The following SYT1 variants were observed in gnomAD, a reference collection of about 807,000 sequenced individuals.
The protein encoded by SYT1 is synaptotagmin-1.
A neutral mutation model predicts 44.8 loss-of-function variants in SYT1; 8 were observed. The observed-to-expected ratio is 0.18, with a 90% CI of 0.10 to 0.32. SYT1 has a LOEUF of 0.32. Ranked by LOEUF, SYT1 falls within the 10% of genes least tolerant of loss-of-function variation. SYT1 has a pLI of 1.00. For synonymous variants in SYT1, 154 were observed against 188.8 expected, an observed-to-expected ratio of 0.82 and a Z score of 1.51; for missense variants, 286 against 509.3, an observed-to-expected ratio of 0.56 and a Z score of 4.22.
At position 79,334,073 on chromosome 12, in the gene SYT1, C is replaced by CA. The variant is rs542376571; in HGVS notation, c.811-19421dup. Among the ~76,000 whole-genome samples the CA allele has an allele frequency of 8.8e-4, 133 of 151,920 alleles. 3 individuals carry two copies. In the South Asian group the frequency reaches 0.026, roughly 29 times the overall value. ...GAAACCCAAATGTATCTTAACTCTT[C>CA]AAAAAAAAGTTACTGAGTATACGCT... On this transcript the variant is annotated intron_variant, in intron 8 of 10. Coordinates refer to ENST00000261205, the MANE Select transcript of SYT1 (RefSeq NM_005639.3).
chr12:79,330,084 A>G (rs1184687363), intron 8 of SYT1, among the ~76,000 whole-genome samples: 1 of 152,140 alleles, frequency 6.6e-6, no homozygotes, highest in African/African-American at 2.4e-5. Context: ...TGTTTAACTC[A>G]GGCAACCTCA....
intron 1 of SYT1, among the ~76,000 whole-genome samples, chr12:78,964,496 A>G (rs1879669775): frequency 6.6e-6 from 1 of 152,198 alleles, no homozygotes. Context: ...ACGATTTGAG[A>G]TAAGGCCCAA....
chr12:79,083,908 T>C (rs1035581873), intron 3 of SYT1, among the ~76,000 whole-genome samples: 1 of 152,138 alleles, frequency 6.6e-6, no homozygotes, highest in African/African-American at 2.4e-5. Flanking sequence ...AATATTATTT[T>C]TGTATTTCAT....
chr12:79,005,034 A>C (rs1318547910), intron 2 of SYT1, among the ~76,000 whole-genome samples: 1 of 152,018 alleles, frequency 6.6e-6, no homozygotes, highest in Non-Finnish European at 1.5e-5. Context: ...CATCTTATAA[A>C]AAGATGCTTA....
intron 4 of SYT1, among the ~76,000 whole-genome samples, chr12:79,276,685 AC>A (rs535604951): frequency 1.3e-5 from 2 of 151,450 alleles, no homozygotes; most frequent in South Asian, 2.1e-4. Flanking sequence ...AAAAAAAAAA[AC>A]AAAAAAACCA....
At chr12:79,401,669 C>CT (rs199548732) in intron 9 of SYT1, among the ~76,000 whole-genome samples, 426 of 138,902 alleles carry the variant, frequency 3.1e-3, no homozygotes, top group Middle Eastern at 7.7e-3. Flanking sequence ...AAAACTCAAA[C>CT]TTTTTTTTTT....
chr12:79,245,502 G>GAAAA (rs902958544), intron 4 of SYT1, among the ~76,000 whole-genome samples: 2 of 130,206 alleles, frequency 1.5e-5, no homozygotes, highest in African/African-American at 5.7e-5. Context: ...AAAGAAAAAA[G>GAAAA]AAAAAAAAAA....
chr12:78,963,427 G>T lies in SYT1; in HGVS notation c.-216-14372G>T, dbSNP rs187753668. Among the ~76,000 whole-genome samples, 3 of 152,006 alleles carry T rather than the reference G, an allele frequency of 2.0e-5. No individual in the cohort carries two copies. In the East Asian group the frequency reaches 5.8e-4, roughly 29 times the overall value. On this transcript the variant is annotated intron_variant, in intron 1 of 10. Transcript: ENST00000261205. ...GTTTGCAAACCATAGATAATGATGG[G>T]TAAATTTTTAATGTAGGAACTCCTA...
intron 9 of SYT1, among the ~76,000 whole-genome samples, chr12:79,377,538 AT>A (rs1884050365): frequency 5.9e-5 from 9 of 152,336 alleles, no homozygotes; most frequent in Non-Finnish European, 1.2e-4. Flanking sequence ...TCTCAGGGCT[AT>A]TTAAATTATA....
At chr12:79,373,891 G>A (rs1215762297) in intron 9 of SYT1, among the ~76,000 whole-genome samples, 1 of 152,136 alleles carries the variant, frequency 6.6e-6, no homozygotes, top group East Asian at 1.9e-4. Flanking sequence ...GCATTATCAA[G>A]TTTTCTTCAA....
intron 8 of SYT1, among the ~76,000 whole-genome samples, chr12:79,306,085 A>G (rs1358117207): frequency 6.6e-6 from 1 of 152,220 alleles, no homozygotes; most frequent in East Asian, 1.9e-4. Context: ...CCATATTGCC[A>G]CTAAGAGAGT....
chr12:78,923,719 GTATA>G, intron 1 of SYT1, among the ~76,000 whole-genome samples: 1 of 150,648 alleles, frequency 6.6e-6, no homozygotes, highest in East Asian at 2.0e-4. Context: ...CTGTGTGTGT[GTATA>G]TGTGTGTGTG....
At chr12:79,169,858 G>C (rs1371152556) in intron 3 of SYT1, among the ~76,000 whole-genome samples, 1 of 151,740 alleles carries the variant, frequency 6.6e-6, no homozygotes, top group Non-Finnish European at 1.5e-5. Flanking sequence ...CACCTACCTG[G>C]CTCCAAAAGG....
At chr12:79,403,909 T>C (rs1203259122) in intron 9 of SYT1, among the ~76,000 whole-genome samples, 2 of 152,186 alleles carry the variant, frequency 1.3e-5, no homozygotes, top group East Asian at 3.9e-4. Flanking sequence ...CTCTTAGAAG[T>C]TGCTTTATTA....
At chr12:79,248,574 T>C (rs1052096825) in intron 4 of SYT1, among the ~76,000 whole-genome samples, 5 of 152,164 alleles carry the variant, frequency 3.3e-5, no homozygotes, top group African/African-American at 7.2e-5. Flanking sequence ...AAAAATGCCA[T>C]GGGGAGGAAT....
In SYT1 at chr12:79,063,614, T is replaced by G. The variant is rs1294378405; in HGVS notation, c.-18+16252T>G. ...TATAGAATTACAAATAAGATAATAT[T>G]ATAATGGGTAATAAGTACATTTCTG... is the stretch of plus-strand genomic sequence containing the variant. On this transcript the variant is annotated intron_variant, in intron 3 of 10. Coordinates refer to ENST00000261205, the MANE Select transcript of SYT1 (RefSeq NM_005639.3). Among the ~76,000 whole-genome samples, 3 of 152,076 alleles carry G rather than the reference T, an allele frequency of 2.0e-5. No homozygotes were observed. In the East Asian group the frequency reaches 5.8e-4, roughly 29 times the overall value.
intron 9 of SYT1, among the ~76,000 whole-genome samples, chr12:79,394,520 T>C (rs1782567648): frequency 6.6e-6 from 1 of 152,220 alleles, no homozygotes; most frequent in Admixed American, 6.5e-5. Context: ...CCATTTAAGC[T>C]AATAAAGATC....
chr12:79,394,488 G>A (rs535361199), intron 9 of SYT1, among the ~76,000 whole-genome samples: 1 of 152,246 alleles, frequency 6.6e-6, no homozygotes, highest in South Asian at 2.1e-4. Flanking sequence ...TCCTCAGGAT[G>A]ATTCAGTATA....
At chr12:79,011,349 A>G (rs1366537373) in intron 2 of SYT1, among the ~76,000 whole-genome samples, 1 of 152,226 alleles carries the variant, frequency 6.6e-6, no homozygotes, top group African/African-American at 2.4e-5. Flanking sequence ...TCAGTTTATT[A>G]CAAGGAAGTG....
Sources: allele counts gnomAD v4.1 joint callset (sites outside exome capture counted in the v4.1 genomes callset), GRCh38; gene constraint gnomAD v4.1.1; transcripts MANE v1.5; gene names NCBI Gene and HGNC (gene_info 2026-07-23, HGNC 2026-07-21).